The following PDE4B variants were observed in gnomAD, a reference collection of about 807,000 sequenced individuals.
PDE4B encodes the protein phosphodiesterase 4B.
Under a neutral mutation model 82.2 loss-of-function variants are expected in PDE4B, and 20 were observed. That is an observed-to-expected ratio of 0.24 (90% confidence interval 0.17 to 0.35). PDE4B has a LOEUF of 0.35. Ranked by LOEUF, PDE4B falls within the 10% of genes least tolerant of loss-of-function variation. The pLI is 1.00. For synonymous variants in PDE4B, 320 were observed against 318.9 expected (o/e 1.00, Z -0.04); for missense variants, 655 against 907.2 (o/e 0.72, Z 3.57).
chr1:65,816,789 ATG>A (rs1181594236), intron 1 of PDE4B, among the ~76,000 whole-genome samples: 1 of 152,218 alleles, frequency 6.6e-6, no homozygotes, highest in Non-Finnish European at 1.5e-5. Flanking sequence ...ACAATACTAT[ATG>A]TGTGTTTTAA....
At chr1:66,019,517 G>A (rs1652974042) in intron 3 of PDE4B, among the ~76,000 whole-genome samples, 1 of 151,712 alleles carries the variant, frequency 6.6e-6, no homozygotes, top group Admixed American at 6.6e-5. Flanking sequence ...TGAAATGCCT[G>A]GCTCATTTTT....
At chr1:66,202,904 T>G (rs566407201) in intron 3 of PDE4B, among the ~76,000 whole-genome samples, 41 of 151,500 alleles carry the variant, frequency 2.7e-4, no homozygotes, top group African/African-American at 8.2e-4. Flanking sequence ...TGTTAGCTGG[T>G]TATTTTGCTC....
intron 7 of PDE4B, among the ~76,000 whole-genome samples, chr1:66,283,008 G>C (rs1281567632): frequency 2.0e-5 from 3 of 152,040 alleles, no homozygotes; most frequent in African/African-American, 7.2e-5. Flanking sequence ...ATCCCTGTTA[G>C]CCTTGTCATT....
At chr1:66,051,449 C>T (rs960935581) in intron 3 of PDE4B, among the ~76,000 whole-genome samples, 6 of 151,844 alleles carry the variant, frequency 4.0e-5, no homozygotes, top group Admixed American at 6.6e-5. Context: ...GATTAGGGAA[C>T]GGAATCTGGG....
At chr1:65,999,603 C>T (rs1651751728) in intron 3 of PDE4B, among the ~76,000 whole-genome samples, 2 of 152,138 alleles carry the variant, frequency 1.3e-5, no homozygotes, top group Non-Finnish European at 2.9e-5. Flanking sequence ...AGCACCCTTT[C>T]GCCTTTTACT....
At chr1:66,243,745 A>G (rs758538761) in intron 3 of PDE4B, among the ~76,000 whole-genome samples, 1 of 152,248 alleles carries the variant, frequency 6.6e-6, no homozygotes, top group Non-Finnish European at 1.5e-5. Context: ...GATACAATGC[A>G]AGAGAAGGCT....
At chr1:66,260,245 C>T (rs541455064) in intron 6 of PDE4B, among the ~76,000 whole-genome samples, 3 of 152,290 alleles carry the variant, frequency 2.0e-5, no homozygotes, top group African/African-American at 4.8e-5. Flanking sequence ...TGGGCAAGAA[C>T]GTACAGCTTC....
intron 3 of PDE4B, among the ~76,000 whole-genome samples, chr1:66,101,939 T>A (rs920638558): frequency 5.3e-5 from 8 of 152,214 alleles, no homozygotes; most frequent in African/African-American, 1.9e-4. Context: ...TTGCCTAAGT[T>A]TTCTTCTAGA....
chr1:66,090,641 A>G (rs192839593), intron 3 of PDE4B, among the ~76,000 whole-genome samples: 68 of 45,700 alleles, frequency 1.5e-3, no homozygotes, highest in African/African-American at 5.0e-3. Flanking sequence ...GTGTGTGTGT[A>G]TGTACGTATA....
chr1:66,018,775 T>C (rs1472074124), intron 3 of PDE4B, among the ~76,000 whole-genome samples: 1 of 152,168 alleles, frequency 6.6e-6, no homozygotes, highest in East Asian at 1.9e-4. Context: ...TTTATATATT[T>C]ATCCAACCAT....
intron 3 of PDE4B, among the ~76,000 whole-genome samples, chr1:66,093,653 A>G (rs925061956): frequency 2.6e-5 from 4 of 152,108 alleles, no homozygotes; most frequent in South Asian, 4.1e-4. Flanking sequence ...AGCCTAACTT[A>G]GTTGAAGAAA....
chr1:66,111,192 A>G (rs1472119326), intron 3 of PDE4B, among the ~76,000 whole-genome samples: 1 of 152,122 alleles, frequency 6.6e-6, no homozygotes, highest in Non-Finnish European at 1.5e-5. Flanking sequence ...AAACTTATAT[A>G]CACTTTAAAA....
At chr1:66,279,748 C>G (rs1656159016) in intron 7 of PDE4B, among the ~76,000 whole-genome samples, 1 of 152,200 alleles carries the variant, frequency 6.6e-6, no homozygotes, top group African/African-American at 2.4e-5. Context: ...AGCTTGAAAT[C>G]TATAGAGCAG....
chr1:66,169,553 G>A (rs1646799745), intron 3 of PDE4B, among the ~76,000 whole-genome samples: 1 of 152,186 alleles, frequency 6.6e-6, no homozygotes, highest in South Asian at 2.1e-4. Flanking sequence ...CCGTGTGTTA[G>A]GTGTTCTCTC....
intron 3 of PDE4B, among the ~76,000 whole-genome samples, chr1:66,054,267 C>A (rs529244122): frequency 6.6e-6 from 1 of 152,210 alleles, no homozygotes; most frequent in African/African-American, 2.4e-5. Context: ...TTTAGTTAGA[C>A]AGGAACATGC....
At chr1:66,027,859 C>T (rs1653535579) in intron 3 of PDE4B, among the ~76,000 whole-genome samples, 1 of 152,226 alleles carries the variant, frequency 6.6e-6, no homozygotes, top group African/African-American at 2.4e-5. Flanking sequence ...GGCAGCTTCA[C>T]CCCTGTGACT....
At chr1:65,881,494 T>A (rs1646708137) in intron 1 of PDE4B, among the ~76,000 whole-genome samples, 2 of 152,158 alleles carry the variant, frequency 1.3e-5, no homozygotes, top group African/African-American at 2.4e-5. Flanking sequence ...TACTCCCTAA[T>A]AATTTTCTGG....
intron 3 of PDE4B, among the ~76,000 whole-genome samples, chr1:65,984,200 A>G (rs766451167): frequency 1.2e-4 from 19 of 152,224 alleles, no homozygotes; most frequent in Non-Finnish European, 5.9e-5. Flanking sequence ...AACTTCAAGG[A>G]CATTGTGCTG....
At chr1:65,842,473 T>C (rs1014674848) in intron 1 of PDE4B, among the ~76,000 whole-genome samples, 4 of 152,132 alleles carry the variant, frequency 2.6e-5, no homozygotes, top group African/African-American at 9.7e-5. Flanking sequence ...ATATATTGTA[T>C]CATGATTAGC....
Sources: gnomAD v4.1 joint callset for allele counts (sites outside exome capture counted in the v4.1 genomes callset) on GRCh38, gnomAD v4.1.1 for gene constraint, MANE v1.5 for transcripts, NCBI Gene and HGNC (gene_info 2026-07-23, HGNC 2026-07-21) for gene names.